Variants in NRXN3 observed in about 807,000 individuals in gnomAD.
NRXN3 encodes the protein neurexin 3.
In NRXN3, 32 loss-of-function variants were observed where a neutral mutation model predicts 137.6. That is an observed-to-expected ratio of 0.23 (90% confidence interval 0.18 to 0.31). The LOEUF (loss-of-function observed/expected upper bound fraction) is 0.31. Among genes scored for constraint, NRXN3 ranks in the 10% least tolerant of loss-of-function variants. The probability of loss-of-function intolerance (pLI) is 1.00; values close to 1 mark genes in which losing one functional copy is unlikely to be tolerated. For missense variants in NRXN3, 1,574 were observed against 2,062.5 expected, an observed-to-expected ratio of 0.76 and a Z score of 4.59; for synonymous variants, 798 against 784.5, an observed-to-expected ratio of 1.02 and a Z score of -0.29.
chr14:78,549,153 A>G (rs2152171590), intron 4 of NRXN3, among the ~76,000 whole-genome samples: 1 of 152,100 alleles, frequency 6.6e-6, no homozygotes, highest in South Asian at 2.1e-4. Context: ...TTATTTTTTC[A>G]TTTAGAGAAG....
chr14:79,508,809 A>G (rs544497048), intron 16 of NRXN3, among the ~76,000 whole-genome samples: 1 of 152,196 alleles, frequency 6.6e-6, no homozygotes, highest in Non-Finnish European at 1.5e-5. Flanking sequence ...CGACCATGAC[A>G]TCCAGTGCTG....
At chr14:78,604,843 A>G (rs1156780910) in intron 4 of NRXN3, among the ~76,000 whole-genome samples, 4 of 152,332 alleles carry the variant, frequency 2.6e-5, no homozygotes, top group South Asian at 2.1e-4. Flanking sequence ...ATGAATGATA[A>G]CAATAAAGAT....
intron 16 of NRXN3, among the ~76,000 whole-genome samples, chr14:79,603,462 C>G (rs1403038888): frequency 6.6e-6 from 1 of 152,184 alleles, no homozygotes; most frequent in Non-Finnish European, 1.5e-5. Flanking sequence ...AGGTTTCTGT[C>G]CTACCATGGA....
At chr14:78,187,294 AATGCTCTGGGTTTCAAG>A (rs1165923898) in intron 1 of NRXN3, among the ~76,000 whole-genome samples, 1 of 150,570 alleles carries the variant, frequency 6.6e-6, no homozygotes, top group African/African-American at 2.4e-5. Context: ...CAAAGCTTGC[AATGCTCTGGGTTTCAAG>A]ATGTGGAGGG....
At chr14:78,333,800 T>A (rs2081124740) in intron 4 of NRXN3, among the ~76,000 whole-genome samples, 1 of 151,878 alleles carries the variant, frequency 6.6e-6, no homozygotes, top group Admixed American at 6.6e-5. Context: ...GAATGGGGAG[T>A]CAACAGAGGG....
chr14:78,522,374 C>T (rs1270230204), intron 4 of NRXN3, among the ~76,000 whole-genome samples: 1 of 152,112 alleles, frequency 6.6e-6, no homozygotes, highest in Non-Finnish European at 1.5e-5. Flanking sequence ...CTTTATATTA[C>T]ACTATGATGT....
chr14:79,738,356 G>C (rs74713107), intron 19 of NRXN3, among the ~76,000 whole-genome samples: 1,452 of 76,166 alleles, frequency 0.019, 18 homozygotes, highest in African/African-American at 0.063. Context: ...CACACACACA[G>C]AGGAGAAGGT....
chr14:78,598,732 C>T (rs1054613431), intron 4 of NRXN3, among the ~76,000 whole-genome samples: 8 of 152,140 alleles, frequency 5.3e-5, no homozygotes, highest in Non-Finnish European at 8.8e-5. Context: ...GCAGAGGGAG[C>T]CAATATCTCG....
intron 15 of NRXN3, among the ~76,000 whole-genome samples, chr14:79,398,836 C>T (rs1364014900): frequency 6.6e-6 from 1 of 151,644 alleles, no homozygotes; most frequent in Non-Finnish European, 1.5e-5. Context: ...ATGGTGAAAC[C>T]CTGTCTCTAC....
At chr14:78,384,817 G>A (rs372616881) in intron 4 of NRXN3, among the ~76,000 whole-genome samples, 65 of 152,224 alleles carry the variant, frequency 4.3e-4, no homozygotes, top group Non-Finnish European at 2.6e-4. Context: ...TATACCATTC[G>A]GTGATTCCAT....
intron 15 of NRXN3, among the ~76,000 whole-genome samples, chr14:79,080,786 G>A (rs577406904): frequency 3.9e-5 from 6 of 152,200 alleles, no homozygotes; most frequent in Admixed American, 2.6e-4. Flanking sequence ...CTACTTCTCC[G>A]TGCGCTTGCC....
chr14:79,859,529 A>G (rs919897928), intron 20 of NRXN3, among the ~76,000 whole-genome samples: 1 of 152,164 alleles, frequency 6.6e-6, no homozygotes, highest in African/African-American at 2.4e-5. Flanking sequence ...ATCAATCTTC[A>G]TAGGAAAAAC....
intron 15 of NRXN3, among the ~76,000 whole-genome samples, chr14:79,401,285 C>T (rs1241150374): frequency 1.3e-5 from 2 of 152,130 alleles, no homozygotes; most frequent in Admixed American, 6.5e-5. Flanking sequence ...TTATGTGAGC[C>T]CTCTAGTCCC....
intron 4 of NRXN3, among the ~76,000 whole-genome samples, chr14:78,357,662 C>T (rs1019460375): frequency 6.6e-6 from 1 of 152,102 alleles, no homozygotes; most frequent in Admixed American, 6.6e-5. Flanking sequence ...TACAGAAGGC[C>T]TCAATATAGG....
intron 15 of NRXN3, among the ~76,000 whole-genome samples, chr14:79,159,005 C>G (rs573270939): frequency 1.6e-4 from 25 of 151,868 alleles, no homozygotes; most frequent in Non-Finnish European, 2.8e-4. Flanking sequence ...GATGAGGACT[C>G]TCTGGTAAAG....
chr14:79,095,002 G>GTGTGTGTGTGTGTA (rs1367372299), intron 15 of NRXN3, among the ~76,000 whole-genome samples: 2 of 151,758 alleles, frequency 1.3e-5, no homozygotes, highest in African/African-American at 4.8e-5. Flanking sequence ...GTGTGTGTGT[G>GTGTGTGTGTGTGTA]TGTGTGTGAA....
intron 4 of NRXN3, among the ~76,000 whole-genome samples, chr14:78,325,758 C>T (rs1405048736): frequency 2.0e-5 from 3 of 152,014 alleles, no homozygotes; most frequent in Non-Finnish European, 4.4e-5. Context: ...ATCTCTCTGC[C>T]CCTGTTTCCA....
At chr14:78,415,790 A>G (rs546678617) in intron 4 of NRXN3, among the ~76,000 whole-genome samples, 3 of 152,228 alleles carry the variant, frequency 2.0e-5, no homozygotes, top group Admixed American at 1.3e-4. Context: ...ATTAATGCTT[A>G]TGAAACGAGG....
chr14:78,380,623 C>A (rs560118891), intron 4 of NRXN3, among the ~76,000 whole-genome samples: 12 of 152,260 alleles, frequency 7.9e-5, no homozygotes, highest in South Asian at 2.1e-4. Flanking sequence ...CTAAAACCTC[C>A]AGAGGGAGTG....
Sources: gnomAD v4.1 joint callset for allele counts (sites outside exome capture counted in the v4.1 genomes callset) on GRCh38, gnomAD v4.1.1 for gene constraint, MANE v1.5 for transcripts, NCBI Gene and HGNC (gene_info 2026-07-23, HGNC 2026-07-21) for gene names.